Variants in ATRN observed in about 807,000 individuals in gnomAD.
ATRN encodes the protein attractin.
ATRN carries 54 observed loss-of-function variants against 178.7 expected under a neutral mutation model. That is an observed-to-expected ratio of 0.30 (90% CI 0.24 to 0.38). The LOEUF is 0.38. Among genes scored for constraint, ATRN ranks in the 10% least tolerant of loss-of-function variants. ATRN has a pLI of 1.00. For missense variants in ATRN, 1,443 were observed against 1,815.1 expected (o/e 0.79, Z 3.73); for synonymous variants, 636 against 663.0 (o/e 0.96, Z 0.63).
intron 5 of ATRN, among the ~76,000 whole-genome samples, chr20:3,548,549 C>T (rs1291084461): frequency 6.9e-6 from 1 of 143,902 alleles, no homozygotes; most frequent in Non-Finnish European, 1.5e-5. Flanking sequence ...TGCAGTGAGC[C>T]GAGATCATAC....
intron 6 of ATRN, among the ~76,000 whole-genome samples, chr20:3,552,902 G>T (rs2085809700): frequency 6.6e-6 from 1 of 152,190 alleles, no homozygotes. Flanking sequence ...CAGGCCACAA[G>T]AAGAGTCTCT....
chr20:3,509,532 C>G (rs974435864), intron 1 of ATRN, among the ~76,000 whole-genome samples: 4 of 147,592 alleles, frequency 2.7e-5, no homozygotes, highest in African/African-American at 7.6e-5. Context: ...GAGTCTTGCT[C>G]TGTCGCCCAG....
At chr20:3,504,186 G>C (rs1332644174) in intron 1 of ATRN, among the ~76,000 whole-genome samples, 1 of 152,118 alleles carries the variant, frequency 6.6e-6, no homozygotes, top group African/African-American at 2.4e-5. Flanking sequence ...TGGTGAAATT[G>C]TGCCTCAGGA....
chr20:3,471,021 G>A lies in ATRN; in HGVS notation c.-87G>A. 7.1e-7 allele frequency: 1 copy of A among 1,398,648 alleles called. No individual in the cohort carries two copies. Among genetic ancestry groups the A allele is most frequent in the African/African-American group, 1.5e-5 (1 of 66,544 alleles). The allele number at this position is 1,398,648 out of a possible 1,614,324, so 86.6% of individuals were successfully genotyped here. On this transcript the variant is annotated 5_prime_UTR_variant, in exon 1 of 29. Transcript: ENST00000262919. ...GACCGCACGAGCCACCGTCCGCACA[G>A]CCCCGCCCCGCACGGCCAGGCGAAG...
At chr20:3,581,241 G>A (rs2086279237) in intron 15 of ATRN, among the ~76,000 whole-genome samples, 1 of 152,194 alleles carries the variant, frequency 6.6e-6, no homozygotes, top group Non-Finnish European at 1.5e-5. Context: ...AACAGAGCGA[G>A]ACCCTGTCTC....
At chr20:3,482,554 T>C (rs1205820111) in intron 1 of ATRN, among the ~76,000 whole-genome samples, 1 of 152,236 alleles carries the variant, frequency 6.6e-6, no homozygotes, top group Non-Finnish European at 1.5e-5. Context: ...CTGGCTATAA[T>C]TGTCACTCAG....
Position 3,600,994 on chromosome 20 carries a change from C to T in ATRN, c.3613C>T (p.Leu1205Phe). 4 of 1,613,792 alleles carry T rather than the reference C, an allele frequency of 2.5e-6. No individual in the cohort carries two copies. The highest frequency in any genetic ancestry group is 3.4e-6 in the Non-Finnish European group (4 of 1,179,802). The change falls in exon 23 of 29, where the codon CTC (leucine) becomes TTC (phenylalanine). Residue 1205 changes from leucine to phenylalanine, a missense_variant. Physicochemically the swap from Leu to Phe is conservative, Grantham distance 22. Coordinates refer to ENST00000262919, the MANE Select transcript of ATRN (RefSeq NM_139321.3). ...MFINASKNFN[L>F]NITWAASFSA... ...CATCAATGCCTCCAAGAATTTCAAC[C>T]TCAACATCACCTGGGCTGCCAGTTT...
chr20:3,515,253 G>A (rs1311478160), intron 1 of ATRN, among the ~76,000 whole-genome samples: 1 of 143,848 alleles, frequency 7.0e-6, no homozygotes, highest in Non-Finnish European at 1.5e-5. Context: ...ATAATCAGGA[G>A]AATGGTGTTA....
At chr20:3,484,779 A>G (rs1304149695) in intron 1 of ATRN, among the ~76,000 whole-genome samples, 1 of 152,036 alleles carries the variant, frequency 6.6e-6, no homozygotes, top group Non-Finnish European at 1.5e-5. Context: ...TAGGTCTCAT[A>G]TCTTTCAGTA....
rs2087038995 is a variant in ATRN at position 3,638,086 on chromosome 20, A to G, written c.3943-742A>G. On this transcript the variant is annotated intron_variant, in intron 26 of 28. Coordinates refer to ENST00000262919, the MANE Select transcript of ATRN (RefSeq NM_139321.3). This position sits in a 1 kb window ranked among gnomAD's most constrained non-coding sequence, Gnocchi z 4.5. ...TATGTATTTGACAAGTCGACGTCAT[A>G]GCATTAAATCCACAGTACTTTTATT... is the stretch of plus-strand genomic sequence containing the variant. Among the ~76,000 whole-genome samples, 1 of 152,242 alleles carries G rather than the reference A, an allele frequency of 6.6e-6. No homozygotes were observed. The highest frequency in any genetic ancestry group is 2.4e-5 in the African/African-American group (1 of 41,462).
chr20:3,588,403 G>A (rs892230574), intron 18 of ATRN, among the ~76,000 whole-genome samples: 1 of 152,082 alleles, frequency 6.6e-6, no homozygotes, highest in Non-Finnish European at 1.5e-5. Flanking sequence ...ATGAGTGCTA[G>A]ATTTTGTCAA....
rs561880009 is a variant in ATRN, at chr20:3,629,144, C to G, written c.3863+4572C>G. On this transcript the variant is annotated intron_variant, in intron 25 of 28. Transcript: ENST00000262919. ...CACTCTCCACCTCCACTCCCCACCC[C>G]ACCAACCCTAGCATCACAGTCTCGC... 4.1e-6 allele frequency: 4 copies of G among 985,310 alleles called. No individual in the cohort carries two copies. In the South Asian group the frequency reaches 1.9e-4, roughly 46 times the overall value. 61.0% of individuals were successfully genotyped at this position (985,310 alleles called of 1,614,324 possible).
intron 1 of ATRN, among the ~76,000 whole-genome samples, chr20:3,521,559 A>G (rs2085296860): frequency 6.6e-6 from 1 of 152,230 alleles, no homozygotes; most frequent in Non-Finnish European, 1.5e-5. Flanking sequence ...GCAGATTTCA[A>G]CATTTGCCTT....
chr20:3,597,032 TC>T (rs1355102503), intron 21 of ATRN, among the ~76,000 whole-genome samples: 1 of 109,974 alleles, frequency 9.1e-6, no homozygotes, highest in Non-Finnish European at 1.8e-5. Context: ...AAAATTCATG[TC>T]CACTTGGAAC....
In ATRN at chr20:3,598,736, T is replaced by G. The variant is rs991322817; in HGVS notation, c.3564+736T>G. On this transcript the variant is annotated intron_variant, in intron 22 of 28. Transcript: ENST00000262919. ...ACAGTTTCTTCAATGAAATATAAAG[T>G]CATGCAGTACCCACTTCAGTATTTA... Among the ~76,000 whole-genome samples, 3 of 152,316 alleles carry G rather than the reference T, an allele frequency of 2.0e-5. No homozygotes were observed. In the East Asian group the frequency reaches 5.8e-4, roughly 29 times the overall value.
rs832380 is a variant in ATRN at position 3,609,094 on chromosome 20, A to G, written c.3801+4832A>G. Among the ~76,000 whole-genome samples the G allele has an allele frequency of 7.4e-3, 1,130 of 152,074 alleles. 8 individuals are homozygous for G. The highest frequency in any genetic ancestry group is 0.014 in the Middle Eastern group (4 of 292). Reference sequence around the variant, plus strand: ...TGTCATTGGTGTAGAGATTACATTGAATCTGTAGGTAGCTTTTGGTAGTAT... The same window carrying G: ...TGTCATTGGTGTAGAGATTACATTGGATCTGTAGGTAGCTTTTGGTAGTAT... On this transcript the variant is annotated intron_variant, in intron 24 of 28. Coordinates refer to ENST00000262919, the MANE Select transcript of ATRN (RefSeq NM_139321.3).
chr20:3,646,674 A>G (rs1210211482), intron 28 of ATRN, 49 bp from the exon 29 acceptor site: 4 of 1,497,516 alleles, frequency 2.7e-6, no homozygotes, highest in Admixed American at 2.5e-5. Context: ...TTAAAACAAA[A>G]TAAAAGCCAG....
At position 3,471,485 on chromosome 20, in the gene ATRN, C is replaced by T. The variant is rs375793861; in HGVS notation, c.378C>T (p.Gly126=). ...GCGTCTGCCCCGCCGGCTGGGTGGGCGAGCAATGCCAGCACTGCGGGGGCC... is the reference window on the plus strand; with the variant it reads ...GCGTCTGCCCCGCCGGCTGGGTGGGTGAGCAATGCCAGCACTGCGGGGGCC... ...GQCVCPAGWV[G]EQCQHCGGRF... is the part of the protein sequence containing the mutation. The change falls in exon 1 of 29, where the codon GGC becomes GGT. Residue 126 remains glycine, a synonymous_variant. Coordinates refer to ENST00000262919, the MANE Select transcript of ATRN (RefSeq NM_139321.3). 120 of 1,409,366 alleles carry T rather than the reference C, an allele frequency of 8.5e-5. No homozygotes were observed. The African/African-American group carries it at 1.4e-3, about 17-fold the overall frequency. The allele number at this position is 1,409,366 out of a possible 1,614,324, so 87.3% of individuals were successfully genotyped here.
Position 3,491,152 on chromosome 20 carries a change from A to C in ATRN, c.410+19635A>C, listed in dbSNP as rs979385966. The C allele has an allele frequency of 7.7e-6, 4 of 522,284 alleles. No homozygotes were observed. In the African/African-American group the frequency reaches 7.8e-5, roughly 10 times the overall value. The allele number at this position is 522,284 out of a possible 1,614,324, so 32.4% of individuals were successfully genotyped here. A position where few individuals can be genotyped will look rare whatever the true frequency, so the allele number is the denominator to read the frequency against. ...GCAGATTATTAGCTCTCTGGGGGAA[A>C]AAAATCAAAAAAAACCCTTCTTTGA... On this transcript the variant is annotated intron_variant, in intron 1 of 28. Coordinates refer to ENST00000262919, the MANE Select transcript of ATRN (RefSeq NM_139321.3).
Sources: gnomAD v4.1 joint callset for allele counts (sites outside exome capture counted in the v4.1 genomes callset) on GRCh38, gnomAD v4.1.1 for gene constraint, Gnocchi (gnomAD v3.1) non-coding constraint, MANE v1.5 for transcripts, NCBI Gene and HGNC (gene_info 2026-07-23, HGNC 2026-07-21) for gene names.